The following PTK2B variants were observed in gnomAD, a reference collection of about 807,000 sequenced individuals.
PTK2B encodes protein tyrosine kinase 2 beta, also known as protein-tyrosine kinase 2-beta.
Under a neutral mutation model 142.9 loss-of-function variants are expected in PTK2B, and 71 were observed. That is an observed-to-expected ratio of 0.50 (90% CI 0.41 to 0.61). PTK2B has a LOEUF of 0.61. Among genes scored for constraint, PTK2B ranks in the 20% least tolerant of loss-of-function variants. The pLI, the probability that PTK2B is intolerant of heterozygous loss-of-function variation, is 0.00. For missense variants in PTK2B, 1,105 were observed against 1,320.4 expected, an observed-to-expected ratio of 0.84 and a Z score of 2.53; for synonymous variants, 519 against 503.4, an observed-to-expected ratio of 1.03 and a Z score of -0.42.
At chr8:27,312,572 A>C (rs1393799736) in intron 2 of PTK2B, among the ~76,000 whole-genome samples, 3 of 152,182 alleles carry the variant, frequency 2.0e-5, no homozygotes, top group African/African-American at 7.2e-5. Context: ...TATTCATGAA[A>C]TTTTGGCATG....
At chr8:27,389,193 C>T (rs1807556797) in intron 1 of PTK2B, among the ~76,000 whole-genome samples, 1 of 152,008 alleles carries the variant, frequency 6.6e-6, no homozygotes, top group South Asian at 2.1e-4. Flanking sequence ...CTTCTTCCCT[C>T]TTCTGTTTAT....
chr8:27,391,038 T>A (rs1180516796), intron 1 of PTK2B, among the ~76,000 whole-genome samples: 1 of 151,820 alleles, frequency 6.6e-6, no homozygotes, highest in East Asian at 1.9e-4. Flanking sequence ...CCTTTCTGAC[T>A]AATGGGCCCC....
At chr8:27,332,552 C>G (rs1803819663) in intron 1 of PTK2B, among the ~76,000 whole-genome samples, 1 of 152,060 alleles carries the variant, frequency 6.6e-6, no homozygotes, top group Admixed American at 6.6e-5. Flanking sequence ...CCCCTTTACT[C>G]TCAGGGTATA....
intron 1 of PTK2B, among the ~76,000 whole-genome samples, chr8:27,391,215 G>A (rs1174858857): frequency 6.6e-6 from 1 of 151,902 alleles, no homozygotes; most frequent in Non-Finnish European, 1.5e-5. Context: ...TTTTGTCTCA[G>A]CCTCCCGAGT....
upstream of PTK2B, chr8:27,310,777 C>A: frequency 6.4e-7 from 1 of 1,550,768 alleles, no homozygotes; most frequent in Non-Finnish European, 8.7e-7. Context: ...GGCTCGGCCG[C>A]CTCGTGCAAA....
intron 1 of PTK2B, 104 bp from the exon 2 acceptor site, chr8:27,397,444 C>T: frequency 7.1e-6 from 6 of 842,582 alleles, no homozygotes; most frequent in Non-Finnish European, 1.1e-5. Context: ...GAATATATAG[C>T]ATTTGTGTCT....
chr8:27,446,210 C>T (rs546470228), intron 24 of PTK2B, among the ~76,000 whole-genome samples: 1 of 152,300 alleles, frequency 6.6e-6, no homozygotes, highest in African/African-American at 2.4e-5. Flanking sequence ...TCCTGAGCCC[C>T]AGGGGTAGGG....
At chr8:27,433,189 G>A (rs1042032746) in intron 10 of PTK2B, among the ~76,000 whole-genome samples, 8 of 152,200 alleles carry the variant, frequency 5.3e-5, no homozygotes, top group South Asian at 2.1e-4. Context: ...ACCAGGCATC[G>A]TGCTATGTGC....
intron 5 of PTK2B, among the ~76,000 whole-genome samples, chr8:27,425,698 G>A (rs1810042144): frequency 6.6e-6 from 1 of 152,144 alleles, no homozygotes; most frequent in Admixed American, 6.5e-5. Flanking sequence ...TTGGCTAAAT[G>A]AATAATGACC....
chr8:27,446,185 A>G (rs560944010), intron 24 of PTK2B, among the ~76,000 whole-genome samples: 1 of 152,326 alleles, frequency 6.6e-6, no homozygotes, highest in South Asian at 2.1e-4. Context: ...CTAGAGATGT[A>G]CAAATCTCCC....
Position 27,458,646 on chromosome 8 carries a change from C to T in PTK2B, c.*137C>T. On this transcript the variant is annotated 3_prime_UTR_variant, in exon 31 of 31. Transcript: ENST00000346049. The stretch of plus-strand genomic sequence containing the variant: ...TTCCCTTGCCACTTTGCACGACGCC[C>T]TCTCCCCACCCCTACCCCTGGCTGT... 1 of 838,332 alleles carries T rather than the reference C, an allele frequency of 1.2e-6. No homozygotes were observed. The highest frequency in any genetic ancestry group is 1.9e-6 in the Non-Finnish European group (1 of 534,990). 51.9% of individuals were successfully genotyped at this position (838,332 alleles called of 1,614,324 possible). A position where few individuals can be genotyped will look rare whatever the true frequency, so the allele number is the denominator to read the frequency against.
chr8:27,397,787 G>A lies in PTK2B; in HGVS notation c.203G>A (p.Arg68Gln), dbSNP rs139777503. The change falls in exon 2 of 31, where the codon CGG becomes CAG. Residue 68 changes from arginine to glutamine, a missense_variant and splice_region_variant. Arg to Gln is a conservative substitution (Grantham distance 43, BLOSUM62 1). Transcript: ENST00000346049. ...LVKCTVQTEI[R>Q]EIITSILLSG... ...AAATGCACTGTCCAGACGGAGATCC[G>A]GGTAAGTGTGAAGTGTCTGCCCTGT... 1.5e-5 allele frequency: 24 copies of A among 1,613,980 alleles called. No individual in the cohort carries two copies. Among genetic ancestry groups the A allele is most frequent in the Admixed American group, 6.7e-5 (4 of 60,030 alleles).
intron 1 of PTK2B, among the ~76,000 whole-genome samples, chr8:27,338,646 A>G (rs1175791676): frequency 6.6e-6 from 1 of 152,246 alleles, no homozygotes; most frequent in Non-Finnish European, 1.5e-5. Flanking sequence ...CTTTGTAAGC[A>G]TCCCAAACTA....
At chr8:27,323,907 T>C (rs1803286773), upstream of PTK2B, among the ~76,000 whole-genome samples, 1 of 152,230 alleles carries the variant, frequency 6.6e-6, no homozygotes, top group Admixed American at 6.5e-5. Context: ...AGTTCATTTA[T>C]GTGGCCACAC....
chr8:27,428,380 C>T (rs944536444), intron 5 of PTK2B, among the ~76,000 whole-genome samples: 1 of 152,250 alleles, frequency 6.6e-6, no homozygotes, highest in Non-Finnish European at 1.5e-5. Flanking sequence ...TCATTCCTAT[C>T]TGCCAGTCTT....
At chr8:27,456,006 G>A (rs1812117760) in intron 30 of PTK2B, among the ~76,000 whole-genome samples, 1 of 152,190 alleles carries the variant, frequency 6.6e-6, no homozygotes, top group Non-Finnish European at 1.5e-5. Context: ...CCAATTTCTG[G>A]CCTCTCTCTC....
chr8:27,444,193 G>A lies in PTK2B; in HGVS notation c.2149-13G>A. The A allele has an allele frequency of 6.2e-7, 1 of 1,609,534 alleles. No homozygotes were observed. Among genetic ancestry groups the A allele is most frequent in the Non-Finnish European group, 8.5e-7 (1 of 1,175,918 alleles). On this transcript the variant is annotated splice_polypyrimidine_tract_variant and intron_variant, in intron 22 of 30. Coordinates refer to ENST00000346049, the MANE Select transcript of PTK2B (RefSeq NM_173176.3). ...GAGGGACAGAGACTGACCCATCTGT[G>A]TTCTCTCTCCAGCCCAGCCGACCTA...
chr8:27,349,045 C>T (rs569620323), intron 1 of PTK2B, among the ~76,000 whole-genome samples: 19 of 152,166 alleles, frequency 1.2e-4, no homozygotes, highest in African/African-American at 2.2e-4. Flanking sequence ...CTATGCATCC[C>T]AGCCTCAGAC....
intron 1 of PTK2B, among the ~76,000 whole-genome samples, chr8:27,312,056 C>A (rs1167613603): frequency 6.6e-6 from 1 of 152,186 alleles, no homozygotes; most frequent in East Asian, 1.9e-4. Context: ...TTGAGGACTT[C>A]TGCAAAGTTT....
Sources: gnomAD v4.1 joint callset for allele counts (sites outside exome capture counted in the v4.1 genomes callset) on GRCh38, gnomAD v4.1.1 for gene constraint, MANE v1.5 for transcripts, NCBI Gene and HGNC (gene_info 2026-07-23, HGNC 2026-07-21) for gene names.